ABR: variants seen among roughly 807,000 people sequenced by gnomAD.
ABR encodes ABR activator of RhoGEF and GTPase.
ABR carries 35 observed loss-of-function variants against 107.2 expected under a neutral mutation model. That is an observed-to-expected ratio of 0.33 (90% confidence interval 0.25 to 0.43). The LOEUF (loss-of-function observed/expected upper bound fraction) is 0.43, where lower values mean the gene tolerates loss of function less well. Among genes scored for constraint, ABR ranks in the 20% least tolerant of loss-of-function variants. The probability of loss-of-function intolerance (pLI) is 1.00; values close to 1 mark genes in which losing one functional copy is unlikely to be tolerated. For synonymous variants in ABR, 498 were observed against 462.0 expected, an observed-to-expected ratio of 1.08 and a Z score of -1.00; for missense variants, 815 against 1,115.2, an observed-to-expected ratio of 0.73 and a Z score of 3.83.
At chr17:1,072,116 C>T (rs1222245672) in intron 8 of ABR, among the ~76,000 whole-genome samples, 2 of 152,218 alleles carry the variant, frequency 1.3e-5, no homozygotes, top group Non-Finnish European at 2.9e-5. Context: ...GTTGGCCAGG[C>T]TGGTCTCAAA....
chr17:1,060,631 T>C (rs757643859), intron 10 of ABR, among the ~76,000 whole-genome samples: 1 of 152,154 alleles, frequency 6.6e-6, no homozygotes, highest in Non-Finnish European at 1.5e-5. Flanking sequence ...ACTACGAGCA[T>C]TTCTCATTAA....
chr17:1,101,189 G>A (rs1265932259), intron 2 of ABR: 1 of 168,638 alleles, frequency 5.9e-6, no homozygotes, highest in African/African-American at 2.4e-5. Flanking sequence ...TGGCCAGGCT[G>A]GTATAGAACT....
chr17:1,176,288 T>C (rs62070489), intron 1 of ABR, among the ~76,000 whole-genome samples: 9,161 of 152,204 alleles, frequency 0.06, 412 homozygotes, highest in East Asian at 0.25. Flanking sequence ...TTTACCCTGC[T>C]GGACCGTTTC....
At chr17:1,217,246 C>CA (rs1241001540) in intron 1 of ABR, among the ~76,000 whole-genome samples, 26 of 152,110 alleles carry the variant, frequency 1.7e-4, no homozygotes, top group African/African-American at 5.5e-4. Flanking sequence ...CCGTCCCCCC[C>CA]AAGGCTGCAG....
intron 16 of ABR, among the ~76,000 whole-genome samples, chr17:1,035,058 C>T (rs1403505803): frequency 6.6e-6 from 1 of 151,958 alleles, no homozygotes; most frequent in African/African-American, 2.4e-5. Context: ...AGACGCTCAT[C>T]TTTCCCTTCC....
chr17:1,216,454 G>C (rs765769306), intron 1 of ABR, among the ~76,000 whole-genome samples: 57 of 152,302 alleles, frequency 3.7e-4, no homozygotes, highest in Non-Finnish European at 6.0e-4. Context: ...GGAGAAAGGG[G>C]CCAGAGGAAA....
chr17:1,043,071 T>G (rs1159290629), intron 16 of ABR, among the ~76,000 whole-genome samples: 1 of 152,060 alleles, frequency 6.6e-6, no homozygotes. Context: ...TTAATGGGGA[T>G]GGGGTTTCGG....
rs200944927 is a variant in ABR at position 1,005,880 on chromosome 17, G to T, written c.*200C>A. ...GTATGGAGGGCAGGAGGTGGGATGC[G>T]GTGGTGAGGCTGGGGCTGGGCAGCC... On this transcript the variant is annotated 3_prime_UTR_variant, in exon 23 of 23. Coordinates refer to ENST00000302538, the MANE Select transcript of ABR (RefSeq NM_021962.5). The T allele has an allele frequency of 1.6e-6, 1 of 610,088 alleles. No homozygotes were observed. The highest frequency in any genetic ancestry group is 1.8e-5 in the African/African-American group (1 of 54,358). 37.8% of individuals were successfully genotyped at this position (610,088 alleles called of 1,614,324 possible). A position where few individuals can be genotyped will look rare whatever the true frequency, so the allele number is the denominator to read the frequency against.
chr17:1,110,774 G>A (rs2038628201), intron 2 of ABR, among the ~76,000 whole-genome samples: 2 of 152,194 alleles, frequency 1.3e-5, no homozygotes, highest in African/African-American at 4.8e-5. Context: ...GGGGCCCCAG[G>A]GCTAACAGCC....
Position 1,050,893 on chromosome 17 carries a change from C to T in ABR, c.1562-259G>A, listed in dbSNP as rs182021347. 0.01 allele frequency among the ~76,000 whole-genome samples: 1,474 copies of T among 147,042 alleles called. 24 individuals are homozygous for T. Among genetic ancestry groups the T allele is most frequent in the African/African-American group, 0.037 (1,384 of 37,018 alleles). ...AGCCCTCCCCACACTCTGCCCTTCC[C>T]ACCTCGGCCCTCCCCACACTCTGCC... On this transcript the variant is annotated intron_variant, in intron 14 of 22. Coordinates refer to ENST00000302538, the MANE Select transcript of ABR (RefSeq NM_021962.5). The surrounding 1 kb of genome is among the most constrained non-coding windows in gnomAD (Gnocchi z 4.6).
At chr17:1,156,970 A>C (rs942498280) in intron 1 of ABR, among the ~76,000 whole-genome samples, 1 of 152,238 alleles carries the variant, frequency 6.6e-6, no homozygotes, top group African/African-American at 2.4e-5. Context: ...CCAGCAAAGA[A>C]TTAGATCAAT....
intron 16 of ABR, among the ~76,000 whole-genome samples, chr17:1,028,842 G>A (rs2072462105): frequency 6.6e-6 from 1 of 152,126 alleles, no homozygotes; most frequent in East Asian, 1.9e-4. Flanking sequence ...TGCTCTATAA[G>A]GGCCTCAACT....
chr17:1,112,793 C>G (rs908102512), intron 2 of ABR, among the ~76,000 whole-genome samples: 3 of 152,190 alleles, frequency 2.0e-5, no homozygotes, highest in African/African-American at 7.2e-5. Context: ...CTGACACCAT[C>G]AAGTCTAAAT....
At chr17:1,171,837 G>A (rs571229447) in intron 1 of ABR, among the ~76,000 whole-genome samples, 131 of 152,308 alleles carry the variant, frequency 8.6e-4, no homozygotes, top group African/African-American at 3.1e-3. Flanking sequence ...GGCTGAGGCA[G>A]GAGAACTGCT....
In ABR at chr17:1,071,283, C is replaced by T. The variant is rs891612282; in HGVS notation, c.895-1193G>A. On this transcript the variant is annotated intron_variant, in intron 8 of 22. Transcript: ENST00000302538. The surrounding 1 kb of genome is among the most constrained non-coding windows in gnomAD (Gnocchi z 5.1). ...CTGCACATCAGCACCAGGAGCCGCA[C>T]GGAATCGGCTCTCTCTGCCCAGTGG... 2.0e-5 allele frequency among the ~76,000 whole-genome samples: 3 copies of T among 152,210 alleles called. No homozygotes were observed. Among genetic ancestry groups the T allele is most frequent in the Admixed American group, 6.5e-5 (1 of 15,288 alleles).
intron 4 of ABR, among the ~76,000 whole-genome samples, chr17:1,088,500 CTGA>C (rs978944521): frequency 1.1e-4 from 17 of 149,000 alleles, no homozygotes; most frequent in Admixed American, 6.7e-4. Context: ...AATAATGGCA[CTGA>C]TGATAATGAC....
At chr17:1,199,007 C>T (rs1448020558) in intron 1 of ABR, among the ~76,000 whole-genome samples, 1 of 144,580 alleles carries the variant, frequency 6.9e-6, no homozygotes, top group East Asian at 2.1e-4. Context: ...TGAGCCGAGA[C>T]GGTGCCATTG....
intron 1 of ABR, among the ~76,000 whole-genome samples, chr17:1,169,581 G>A (rs1018627929): frequency 6.6e-6 from 1 of 152,180 alleles, no homozygotes; most frequent in Non-Finnish European, 1.5e-5. Flanking sequence ...CTTCCCCAGG[G>A]GCTGACCTCT....
Position 1,020,548 on chromosome 17 carries a change from C to T in ABR, c.1792-7384G>A, listed in dbSNP as rs112472348. On this transcript the variant is annotated intron_variant, in intron 16 of 22. Transcript: ENST00000302538. ...GGGGCACCGGGTTGAAATGGGGCTC[C>T]GTCACCTCCGAGGGAGCAGGAGTGA... is the stretch of plus-strand genomic sequence containing the variant. Among the ~76,000 whole-genome samples, 286 of 152,296 alleles carry T rather than the reference C, an allele frequency of 1.9e-3. 2 individuals carry two copies. The highest frequency in any genetic ancestry group is 6.1e-3 in the African/African-American group (255 of 41,574).
Sources: gnomAD v4.1 joint callset for allele counts (sites outside exome capture counted in the v4.1 genomes callset) on GRCh38, gnomAD v4.1.1 for gene constraint, Gnocchi (gnomAD v3.1) non-coding constraint, MANE v1.5 for transcripts, NCBI Gene and HGNC (gene_info 2026-07-23, HGNC 2026-07-21) for gene names.